Variants in SPOCK3 observed in about 807,000 individuals in gnomAD.
SPOCK3 encodes the protein testican-3.
A neutral mutation model predicts 56.6 loss-of-function variants in SPOCK3; 30 were observed. That is an observed-to-expected ratio of 0.53 (90% CI 0.40 to 0.72). The LOEUF is 0.72. Among genes scored for constraint, SPOCK3 ranks in the 30% least tolerant of loss-of-function variants. The probability of loss-of-function intolerance (pLI) is 0.00; values close to 1 mark genes in which losing one functional copy is unlikely to be tolerated. For synonymous variants in SPOCK3, 196 were observed against 183.3 expected (o/e 1.07, Z -0.56); for missense variants, 527 against 530.0 (o/e 0.99, Z 0.06).
chr4:166,813,482 AT>A (rs1394307702), intron 6 of SPOCK3, among the ~76,000 whole-genome samples: 1 of 152,126 alleles, frequency 6.6e-6, no homozygotes, highest in African/African-American at 2.4e-5. Flanking sequence ...TCAAATATTT[AT>A]TTGCTCAAAT....
At chr4:166,880,032 G>A (rs755172307) in intron 6 of SPOCK3, among the ~76,000 whole-genome samples, 1 of 152,102 alleles carries the variant, frequency 6.6e-6, no homozygotes, top group Non-Finnish European at 1.5e-5. Flanking sequence ...CTGCAGAACC[G>A]TGAGCCAATT....
intron 7 of SPOCK3, among the ~76,000 whole-genome samples, chr4:166,776,710 G>T (rs145275447): frequency 6.6e-6 from 1 of 152,128 alleles, no homozygotes; most frequent in Non-Finnish European, 1.5e-5. Context: ...TAAGGAAAAA[G>T]ACCAATATCC....
intron 6 of SPOCK3, among the ~76,000 whole-genome samples, chr4:166,822,956 A>G (rs1745081862): frequency 6.6e-6 from 1 of 152,046 alleles, no homozygotes; most frequent in Admixed American, 6.6e-5. Context: ...CTAGCAAAAA[A>G]TAAGTTTATC....
At chr4:166,933,046 G>A (rs1245113598) in intron 4 of SPOCK3, among the ~76,000 whole-genome samples, 1 of 151,784 alleles carries the variant, frequency 6.6e-6, no homozygotes, top group Admixed American at 6.6e-5. Context: ...GGTATTTTGG[G>A]GGAATTTTTT....
rs538081720 is a variant in SPOCK3, at chr4:166,948,295, T to C, written c.351-35552A>G. On this transcript the variant is annotated intron_variant, in intron 4 of 10. Coordinates refer to ENST00000357545, the MANE Select transcript of SPOCK3 (RefSeq NM_001040159.2). Reference sequence around the variant, plus strand: ...CTAGATTGATTCCATATCTTGGCTATTGTGAATAGTAGTGCAATAAACATG... The same window carrying C: ...CTAGATTGATTCCATATCTTGGCTACTGTGAATAGTAGTGCAATAAACATG... Among the ~76,000 whole-genome samples the C allele has an allele frequency of 2.6e-5, 4 of 152,356 alleles. No individual in the cohort carries two copies. The East Asian group carries it at 5.8e-4, about 22-fold the overall frequency.
intron 5 of SPOCK3, among the ~76,000 whole-genome samples, chr4:166,901,924 T>C (rs954441206): frequency 6.6e-6 from 1 of 152,092 alleles, no homozygotes; most frequent in Non-Finnish European, 1.5e-5. Context: ...TTCAAACACC[T>C]GTTGATGGAG....
chr4:166,932,764 T>TA, intron 4 of SPOCK3, among the ~76,000 whole-genome samples: 1 of 152,264 alleles, frequency 6.6e-6, no homozygotes, highest in East Asian at 1.9e-4. Context: ...AAATAGAGGT[T>TA]AAAAAAATTC....
chr4:166,808,916 C>T (rs907881337), intron 6 of SPOCK3, among the ~76,000 whole-genome samples: 1 of 152,004 alleles, frequency 6.6e-6, no homozygotes, highest in Non-Finnish European at 1.5e-5. Context: ...TTTCCTCCCA[C>T]TTGAAATCAG....
At chr4:166,888,596 T>G (rs1394872758) in intron 6 of SPOCK3, among the ~76,000 whole-genome samples, 1 of 152,004 alleles carries the variant, frequency 6.6e-6, no homozygotes, top group Non-Finnish European at 1.5e-5. Context: ...TTTTATTAGA[T>G]AGTAAACCAA....
At chr4:166,842,689 G>C (rs1418398733) in intron 6 of SPOCK3, among the ~76,000 whole-genome samples, 1 of 152,198 alleles carries the variant, frequency 6.6e-6, no homozygotes, top group Non-Finnish European at 1.5e-5. Context: ...GCTAAACACA[G>C]AGTGCTGATT....
chr4:166,840,608 G>A (rs1747134048), intron 6 of SPOCK3, among the ~76,000 whole-genome samples: 1 of 151,818 alleles, frequency 6.6e-6, no homozygotes, highest in Admixed American at 6.6e-5. Flanking sequence ...AATAAACCAG[G>A]GAACTCACCT....
chr4:166,805,671 G>A (rs1318865175), intron 6 of SPOCK3, among the ~76,000 whole-genome samples: 1 of 152,040 alleles, frequency 6.6e-6, no homozygotes, highest in African/African-American at 2.4e-5. Context: ...AGGCATGCCT[G>A]CTATTACAAT....
At chr4:167,147,667 G>C (rs1374448447) in intron 2 of SPOCK3, among the ~76,000 whole-genome samples, 2 of 152,092 alleles carry the variant, frequency 1.3e-5, no homozygotes, top group African/African-American at 4.8e-5. Flanking sequence ...CAGGGACATA[G>C]ATGAAGCTGG....
rs1561223718 is a variant in SPOCK3, at chr4:167,108,992, T to TTATATATATATAAATATATACTTA, written c.190-46479_190-46456dup. On this transcript the variant is annotated intron_variant, in intron 2 of 10. Transcript: ENST00000357545. ...ATATATAAATATTATAAATATATAT[T>TTATATATATATAAATATATACTTA]TATATATATATAAATATATACTTAT... 6.8e-3 allele frequency among the ~76,000 whole-genome samples: 59 copies of TTATATATATATAAATATATACTTA among 8,702 alleles called. 16 individuals carry two copies. The highest frequency in any genetic ancestry group is 0.034 in the African/African-American group (55 of 1,630). The allele number at this position is 8,702 out of a possible 152,430, so 5.7% of individuals were successfully genotyped here.
chr4:166,737,410 C>G, intron 10 of SPOCK3, 57 bp downstream of exon 10: 1 of 1,544,888 alleles, frequency 6.5e-7, no homozygotes, highest in Non-Finnish European at 8.8e-7. Context: ...GAATGAGGCT[C>G]TAAAGCACTT....
Position 167,215,132 on chromosome 4 carries a change from A to C in SPOCK3, c.189+18853T>G, listed in dbSNP as rs557218042. Among the ~76,000 whole-genome samples, 3 of 152,206 alleles carry C rather than the reference A, an allele frequency of 2.0e-5. No homozygotes were observed. The East Asian group carries it at 5.8e-4, about 29-fold the overall frequency. On this transcript the variant is annotated intron_variant, in intron 2 of 10. Coordinates refer to ENST00000357545, the MANE Select transcript of SPOCK3 (RefSeq NM_001040159.2). Reference sequence around the variant, plus strand: ...ATTAAAAATGAATATGTGCTCCGTAACTACCAGGATCAATAGAAAATTTCT... The same window carrying C: ...ATTAAAAATGAATATGTGCTCCGTACCTACCAGGATCAATAGAAAATTTCT...
chr4:167,057,130 T>G (rs1453136275), intron 3 of SPOCK3, among the ~76,000 whole-genome samples: 5 of 152,282 alleles, frequency 3.3e-5, no homozygotes, highest in Non-Finnish European at 7.4e-5. Context: ...GGGGCCAATA[T>G]TCAACATTCT....
chr4:166,900,986 A>T (rs12649478), intron 5 of SPOCK3, among the ~76,000 whole-genome samples: 1 of 152,086 alleles, frequency 6.6e-6, no homozygotes, highest in Non-Finnish European at 1.5e-5. Flanking sequence ...ATGTCCTTGT[A>T]TGTCTCTCAA....
rs1206356485 is a variant in SPOCK3 at position 166,754,588 on chromosome 4, G to T, written c.851C>A (p.Ala284Glu). 6.2e-7 allele frequency: 1 copy of T among 1,613,626 alleles called. No individual in the cohort carries two copies. The highest frequency in any genetic ancestry group is 2.2e-5 in the East Asian group (1 of 44,858). The change falls in exon 8 of 11, where the codon GCA becomes GAA. Residue 284 changes from alanine (A) to glutamate (E), a missense_variant. Coordinates refer to ENST00000357545, the MANE Select transcript of SPOCK3 (RefSeq NM_001040159.2). ...YLDKNEQCTK[A>E]FFNSCDTYKD... ...GTATGTGTCACAAGAATTGAAGAAT[G>T]CCTTGGTACACTGTTCATTCTTATC...
Sources: allele counts gnomAD v4.1 joint callset (sites outside exome capture counted in the v4.1 genomes callset), GRCh38; gene constraint gnomAD v4.1.1; transcripts MANE v1.5; gene names NCBI Gene and HGNC (gene_info 2026-07-23, HGNC 2026-07-21).